Variants in MRAP2 observed in about 807,000 individuals in gnomAD.
MRAP2 encodes melanocortin 2 receptor accessory protein 2, also known as melanocortin-2 receptor accessory protein 2.
MRAP2 carries 20 observed loss-of-function variants against 17.4 expected under a neutral mutation model. The ratio of observed to expected loss-of-function variants is 1.15; its 90% confidence interval spans 0.81 to 1.67. The LOEUF (loss-of-function observed/expected upper bound fraction) is 1.67, where lower values mean the gene tolerates loss of function less well. Among genes scored for constraint, MRAP2 ranks in the 40% most tolerant of loss-of-function variants. The pLI, the probability that MRAP2 is intolerant of heterozygous loss-of-function variation, is 0.00. For synonymous variants in MRAP2, 96 were observed against 88.4 expected, an observed-to-expected ratio of 1.09 and a Z score of -0.48; for missense variants, 238 against 240.0, an observed-to-expected ratio of 0.99 and a Z score of 0.05.
In MRAP2 at chr6:84,058,643, A is replaced by G. The variant is rs183050812; in HGVS notation, c.127+3198A>G. Among the ~76,000 whole-genome samples the G allele has an allele frequency of 1.9e-3, 296 of 152,284 alleles. 2 individuals are homozygous for G. The highest frequency in any genetic ancestry group is 6.5e-3 in the African/African-American group (272 of 41,556). On this transcript the variant is annotated intron_variant, in intron 2 of 3. Transcript: ENST00000257776. ...CAAGAGGCTGGATAAGTGAGTGTAG[A>G]CAGAAAACTGAAGAGTCCAATGCTG...
At chr6:84,078,290 A>T (rs573453855) in intron 3 of MRAP2, among the ~76,000 whole-genome samples, 34 of 152,358 alleles carry the variant, frequency 2.2e-4, no homozygotes, top group African/African-American at 6.5e-4. Context: ...ACAAGTCAAG[A>T]ACAAAAACCA....
intron 2 of MRAP2, among the ~76,000 whole-genome samples, chr6:84,056,929 G>A (rs2099491842): frequency 6.6e-6 from 1 of 152,156 alleles, no homozygotes; most frequent in South Asian, 2.1e-4. Context: ...AACTTCATGA[G>A]AAACATAGGC....
intron 1 of MRAP2, among the ~76,000 whole-genome samples, chr6:84,052,251 T>C (rs1016557758): frequency 7.9e-5 from 12 of 152,246 alleles, no homozygotes; most frequent in African/African-American, 2.9e-4. Flanking sequence ...CGCTTCCTGC[T>C]GTTGTGTTCA....
At chr6:84,033,280 G>A (rs182204094), upstream of MRAP2, among the ~76,000 whole-genome samples, 281 of 152,232 alleles carry the variant, frequency 1.8e-3, 3 homozygotes, top group African/African-American at 6.4e-3. Context: ...AACTACTCCC[G>A]GCCCAGTGCT....
intron 1 of MRAP2, among the ~76,000 whole-genome samples, chr6:84,054,258 C>T (rs139635986): frequency 1.3e-5 from 2 of 152,276 alleles, no homozygotes; most frequent in East Asian, 3.9e-4. Flanking sequence ...TCTCTGCCCA[C>T]CCCACAGTGT....
intron 2 of MRAP2, 51 bp from the exon 3 acceptor site, chr6:84,062,842 C>G (rs756901140): frequency 5.6e-6 from 9 of 1,611,008 alleles, no homozygotes; most frequent in Non-Finnish European, 7.6e-6. Flanking sequence ...CTTGAATGTT[C>G]AAGTTTTAAA....
intron 3 of MRAP2, among the ~76,000 whole-genome samples, chr6:84,080,043 T>C (rs1439729900): frequency 6.6e-6 from 1 of 151,834 alleles, no homozygotes; most frequent in Non-Finnish European, 1.5e-5. Flanking sequence ...TTTGTTTGAT[T>C]TTTCTTTTGA....
chr6:84,071,331 A>G (rs956997090), intron 3 of MRAP2, among the ~76,000 whole-genome samples: 6 of 152,206 alleles, frequency 3.9e-5, no homozygotes, highest in Non-Finnish European at 7.4e-5. Context: ...TCTTTCCTTC[A>G]TATATGATGC....
At chr6:84,053,356 A>G (rs1032335539) in intron 1 of MRAP2, among the ~76,000 whole-genome samples, 3 of 152,216 alleles carry the variant, frequency 2.0e-5, no homozygotes, top group African/African-American at 7.2e-5. Context: ...GGAGAGAAAG[A>G]TTATCATTTT....
chr6:84,082,993 C>T (rs1255785205), intron 3 of MRAP2, among the ~76,000 whole-genome samples: 1 of 152,010 alleles, frequency 6.6e-6, no homozygotes, highest in Non-Finnish European at 1.5e-5. Context: ...CCCACCTTAT[C>T]TAAAAAAAGT....
At chr6:84,044,407 G>C (rs2099488444) in intron 1 of MRAP2, among the ~76,000 whole-genome samples, 1 of 152,216 alleles carries the variant, frequency 6.6e-6, no homozygotes, top group South Asian at 2.1e-4. Flanking sequence ...GGCTGGTCTT[G>C]AACTCCCGAC....
chr6:84,073,888 GT>G (rs71549596), intron 3 of MRAP2, among the ~76,000 whole-genome samples: 1,705 of 137,772 alleles, frequency 0.012, 24 homozygotes, highest in African/African-American at 0.033. Context: ...GTGTGTGTGT[GT>G]TTTTTTTTTT....
chr6:84,097,725 G>A, the MRAP2 span, among the ~76,000 whole-genome samples: 485 of 152,056 alleles, frequency 3.2e-3, 3 homozygotes, highest in Non-Finnish European at 5.4e-3. Flanking sequence ...ATTGTTTAAT[G>A]TTTCTTATTC....
chr6:84,036,631 G>A (rs1427320456), intron 1 of MRAP2, among the ~76,000 whole-genome samples: 3 of 152,128 alleles, frequency 2.0e-5, no homozygotes, highest in African/African-American at 4.8e-5. Context: ...TTATTGCAAA[G>A]AGGGAAAGAC....
intron 1 of MRAP2, among the ~76,000 whole-genome samples, chr6:84,037,356 C>T (rs549424303): frequency 2.0e-5 from 3 of 152,240 alleles, no homozygotes; most frequent in Non-Finnish European, 4.4e-5. Flanking sequence ...ATACAATCCT[C>T]CAACTAGACA....
chr6:84,066,413 T>C (rs1331638930), intron 3 of MRAP2, among the ~76,000 whole-genome samples: 1 of 152,174 alleles, frequency 6.6e-6, no homozygotes, highest in Non-Finnish European at 1.5e-5. Flanking sequence ...GGAAAAACAT[T>C]GAAATAAATC....
At chr6:84,041,067 C>G (rs533862699) in intron 1 of MRAP2, among the ~76,000 whole-genome samples, 2 of 152,300 alleles carry the variant, frequency 1.3e-5, no homozygotes, top group South Asian at 4.1e-4. Flanking sequence ...GTTCAGGCCC[C>G]CCCTGCTGCG....
At chr6:84,063,839 G>A (rs2099493793) in intron 3 of MRAP2, among the ~76,000 whole-genome samples, 2 of 151,982 alleles carry the variant, frequency 1.3e-5, no homozygotes, top group South Asian at 4.1e-4. Flanking sequence ...TTGAGTCCAG[G>A]AGTTCAAGAC....
chr6:84,088,985 G>A (rs2099501159), intron 3 of MRAP2, 106 bp from the exon 4 acceptor site: 2 of 1,249,524 alleles, frequency 1.6e-6, no homozygotes, highest in South Asian at 3.0e-5. Context: ...ACACTCAATA[G>A]GTGCTTAGTG....
Sources: allele counts gnomAD v4.1 joint callset (sites outside exome capture counted in the v4.1 genomes callset), GRCh38; gene constraint gnomAD v4.1.1; transcripts MANE v1.5; gene names NCBI Gene and HGNC (gene_info 2026-07-23, HGNC 2026-07-21).